NKAIN3: variants seen among roughly 807,000 people sequenced by gnomAD.
NKAIN3 encodes sodium/potassium transporting ATPase interacting 3, also known as sodium/potassium-transporting ATPase subunit beta-1-interacting protein 3.
NKAIN3 carries 25 observed loss-of-function variants against 30.2 expected under a neutral mutation model. That is an observed-to-expected ratio of 0.83 (90% CI 0.60 to 1.16). The LOEUF is 1.16. Ranked by LOEUF, NKAIN3 falls within the 50% of genes most tolerant of loss-of-function variation. The pLI is 0.00. For synonymous variants in NKAIN3, 91 were observed against 89.6 expected (o/e 1.02, Z -0.09); for missense variants, 225 against 254.1 (o/e 0.89, Z 0.78).
chr8:62,610,896 ATAGTTTCATAGTAGAATCT>A (rs1462056273), intron 3 of NKAIN3, among the ~76,000 whole-genome samples: 4 of 152,110 alleles, frequency 2.6e-5, no homozygotes, highest in South Asian at 2.1e-4. Context: ...TTATGTACAT[ATAGTTTCATAGTAGAATCT>A]TAGTTTCATA....
chr8:62,541,757 G>A (rs912779084), intron 1 of NKAIN3, among the ~76,000 whole-genome samples: 1 of 151,350 alleles, frequency 6.6e-6, no homozygotes, highest in African/African-American at 2.4e-5. Flanking sequence ...GTTTCTCATA[G>A]CATTATATCT....
chr8:62,852,659 G>T (rs551919830), intron 4 of NKAIN3, among the ~76,000 whole-genome samples: 9 of 152,094 alleles, frequency 5.9e-5, no homozygotes, highest in African/African-American at 2.2e-4. Flanking sequence ...TTGTGTCTTT[G>T]TTCTCGTTGG....
chr8:62,901,623 C>A (rs1586326940), intron 4 of NKAIN3, among the ~76,000 whole-genome samples: 1 of 152,190 alleles, frequency 6.6e-6, no homozygotes, highest in East Asian at 1.9e-4. Flanking sequence ...CATATCACAG[C>A]ATCTGCCACA....
At chr8:62,272,953 G>T (rs1412461785) in intron 1 of NKAIN3, among the ~76,000 whole-genome samples, 1 of 152,120 alleles carries the variant, frequency 6.6e-6, no homozygotes, top group Non-Finnish European at 1.5e-5. Context: ...AAGCTTTCTT[G>T]GTTAAGGGCC....
In NKAIN3 at chr8:62,516,397, C is replaced by A. The variant is rs546759418; in HGVS notation, c.55-63142C>A. 5.9e-5 allele frequency among the ~76,000 whole-genome samples: 9 copies of A among 152,116 alleles called. No individual in the cohort carries two copies. The South Asian group carries it at 1.5e-3, about 25-fold the overall frequency. On this transcript the variant is annotated intron_variant, in intron 1 of 6. Transcript: ENST00000623646. Reference sequence around the variant, plus strand: ...ATTTTCTGAGTTCTCTGTGTTACACCAGCAGCATGCATCTATTTATTAGCA... The same window carrying A: ...ATTTTCTGAGTTCTCTGTGTTACACAAGCAGCATGCATCTATTTATTAGCA...
chr8:62,830,855 A>G lies in NKAIN3; in HGVS notation c.471+83726A>G, dbSNP rs555830280. On this transcript the variant is annotated intron_variant, in intron 4 of 6. Coordinates refer to ENST00000623646, the MANE Select transcript of NKAIN3 (RefSeq NM_001304533.3). ...TCAGTGCTTAGTGCCTTCTCACTGGACATCCCTTCAGCACTGATGCTTGTG... is the reference window on the plus strand; with the variant it reads ...TCAGTGCTTAGTGCCTTCTCACTGGGCATCCCTTCAGCACTGATGCTTGTG... Among the ~76,000 whole-genome samples the G allele has an allele frequency of 6.6e-5, 10 of 152,302 alleles. No individual in the cohort carries two copies. In the South Asian group the frequency reaches 2.1e-3, roughly 32 times the overall value.
intron 1 of NKAIN3, among the ~76,000 whole-genome samples, chr8:62,465,777 C>T (rs1201430332): frequency 6.6e-6 from 1 of 152,142 alleles, no homozygotes; most frequent in Non-Finnish European, 1.5e-5. Context: ...AATCCTAGCA[C>T]TTTGAGAGGC....
intron 1 of NKAIN3, among the ~76,000 whole-genome samples, chr8:62,523,701 G>A (rs1371906551): frequency 6.6e-6 from 1 of 152,058 alleles, no homozygotes; most frequent in East Asian, 1.9e-4. Context: ...GTACCTCAGT[G>A]GGGCATCTCT....
At chr8:62,294,416 A>G (rs1322882703) in intron 1 of NKAIN3, among the ~76,000 whole-genome samples, 1 of 152,180 alleles carries the variant, frequency 6.6e-6, no homozygotes, top group African/African-American at 2.4e-5. Flanking sequence ...AAAAACTTTG[A>G]TGGAGAGTAT....
At chr8:62,916,311 G>T (rs1822101666) in intron 4 of NKAIN3, among the ~76,000 whole-genome samples, 1 of 152,136 alleles carries the variant, frequency 6.6e-6, no homozygotes, top group African/African-American at 2.4e-5. Flanking sequence ...AATTTATGTA[G>T]TCATTAATAA....
At chr8:62,856,862 T>C (rs1220423832) in intron 4 of NKAIN3, 16 of 594,994 alleles carry the variant, frequency 2.7e-5, no homozygotes, top group Non-Finnish European at 3.1e-6. Flanking sequence ...CTGTTTATGA[T>C]CTTACTGATG....
chr8:62,996,262 C>T (rs1031789212), intron 5 of NKAIN3, among the ~76,000 whole-genome samples: 2 of 152,180 alleles, frequency 1.3e-5, no homozygotes, highest in African/African-American at 2.4e-5. Context: ...GCACGGCTTA[C>T]ATGGTGGCAG....
intron 4 of NKAIN3, among the ~76,000 whole-genome samples, chr8:62,789,059 A>G (rs1025786234): frequency 3.3e-5 from 5 of 151,920 alleles, no homozygotes; most frequent in Admixed American, 1.3e-4. Flanking sequence ...GTTTTTTCCA[A>G]TTCTGTGAAG....
At chr8:62,914,026 A>G (rs903415597) in intron 4 of NKAIN3, among the ~76,000 whole-genome samples, 1 of 152,208 alleles carries the variant, frequency 6.6e-6, no homozygotes, top group African/African-American at 2.4e-5. Flanking sequence ...TCACTCTATT[A>G]TAAAGAGACA....
At chr8:62,298,914 T>G in intron 1 of NKAIN3, among the ~76,000 whole-genome samples, 1 of 150,874 alleles carries the variant, frequency 6.6e-6, no homozygotes, top group African/African-American at 2.4e-5. Context: ...TGATATATAA[T>G]TATGAGTGTG....
chr8:62,872,908 C>G (rs1820689749), intron 4 of NKAIN3, among the ~76,000 whole-genome samples: 1 of 152,164 alleles, frequency 6.6e-6, no homozygotes, highest in Non-Finnish European at 1.5e-5. Context: ...ACTGCAAAAA[C>G]ACACCAAAAT....
intron 3 of NKAIN3, among the ~76,000 whole-genome samples, chr8:62,741,479 A>T (rs955794714): frequency 6.6e-5 from 10 of 152,178 alleles, no homozygotes; most frequent in Admixed American, 4.6e-4. Flanking sequence ...TAAAACTCCC[A>T]TGTGGAATGT....
intron 3 of NKAIN3, among the ~76,000 whole-genome samples, chr8:62,740,261 A>C (rs537428202): frequency 8.5e-5 from 13 of 152,296 alleles, no homozygotes; most frequent in African/African-American, 3.1e-4. Context: ...GAATTCTACT[A>C]TATAAATATA....
chr8:62,986,289 A>C (rs1824196657), downstream of NKAIN3, among the ~76,000 whole-genome samples: 1 of 152,198 alleles, frequency 6.6e-6, no homozygotes, highest in African/African-American at 2.4e-5. Context: ...CAGGAGATTG[A>C]GGCCCTTTGT....
Sources: gnomAD v4.1 joint callset for allele counts (sites outside exome capture counted in the v4.1 genomes callset) on GRCh38, gnomAD v4.1.1 for gene constraint, MANE v1.5 for transcripts, NCBI Gene and HGNC (gene_info 2026-07-23, HGNC 2026-07-21) for gene names.